SMURF2: variants seen among roughly 807,000 people sequenced by gnomAD.
The protein encoded by SMURF2 is E3 ubiquitin-protein ligase SMURF2.
A neutral mutation model predicts 109.6 loss-of-function variants in SMURF2; 48 were observed. That is an observed-to-expected ratio of 0.44 (90% CI 0.35 to 0.56). SMURF2 has a LOEUF of 0.56. Ranked by LOEUF, SMURF2 falls within the 20% of genes least tolerant of loss-of-function variation. SMURF2 has a pLI of 0.01. For missense variants in SMURF2, 575 were observed against 909.0 expected, an observed-to-expected ratio of 0.63 and a Z score of 4.72; for synonymous variants, 288 against 317.1, an observed-to-expected ratio of 0.91 and a Z score of 0.97.
At chr17:64,576,767 CAA>C (rs1969497336) in intron 9 of SMURF2, among the ~76,000 whole-genome samples, 1 of 150,006 alleles carries the variant, frequency 6.7e-6, no homozygotes, top group Admixed American at 6.7e-5. Context: ...TTAAATTTTT[CAA>C]AGATTTTTTT....
chr17:64,553,578 A>T (rs1360446476), intron 15 of SMURF2, among the ~76,000 whole-genome samples: 2 of 152,178 alleles, frequency 1.3e-5, no homozygotes, highest in African/African-American at 4.8e-5. Context: ...TTCTTCTAAG[A>T]CTTACTTTTA....
chr17:64,599,068 T>G (rs1969856835), intron 2 of SMURF2, among the ~76,000 whole-genome samples: 1 of 152,210 alleles, frequency 6.6e-6, no homozygotes, highest in Non-Finnish European at 1.5e-5. Flanking sequence ...CAAAAATACC[T>G]GAGAATAAAC....
intron 1 of SMURF2, among the ~76,000 whole-genome samples, chr17:64,626,711 C>T (rs1052245062): frequency 6.6e-6 from 1 of 151,848 alleles, no homozygotes; most frequent in African/African-American, 2.4e-5. Flanking sequence ...TGCAGTGAGC[C>T]GAGATTGTGC....
In SMURF2 at chr17:64,546,169, A is replaced by G. The variant is rs560613409; in HGVS notation, c.2147+94T>C. On this transcript the variant is annotated intron_variant, in intron 18 of 18. Transcript: ENST00000262435. The stretch of plus-strand genomic sequence containing the variant: ...TATCATTCCCTTTAAAGGCCCATTT[A>G]ACACTAGTAAGTACAATAAATAAAA... The G allele has an allele frequency of 5.8e-6, 7 of 1,217,160 alleles. No homozygotes were observed. In the Admixed American group the frequency reaches 1.0e-4, roughly 17 times the overall value. 75.4% of individuals were successfully genotyped at this position (1,217,160 alleles called of 1,614,324 possible).
At chr17:64,580,251 T>C (rs1365088097) in intron 8 of SMURF2, among the ~76,000 whole-genome samples, 4 of 152,238 alleles carry the variant, frequency 2.6e-5, no homozygotes, top group Non-Finnish European at 5.9e-5. Context: ...CATGAAACTT[T>C]ATAATCTAGG....
At chr17:64,591,008 C>G in intron 5 of SMURF2, 76 bp downstream of exon 5, 1 of 1,073,700 alleles carries the variant, frequency 9.3e-7, no homozygotes, top group East Asian at 2.5e-5. Flanking sequence ...AGTTATTATA[C>G]TTTGATTTAA....
chr17:64,598,266 G>T (rs1174080299), intron 3 of SMURF2, 116 bp downstream of exon 3: 4 of 877,542 alleles, frequency 4.6e-6, no homozygotes, highest in East Asian at 2.9e-5. Flanking sequence ...TACCCCTTTT[G>T]TGATGACCAA....
At chr17:64,643,603 T>C (rs1010972618) in intron 1 of SMURF2, among the ~76,000 whole-genome samples, 2 of 152,224 alleles carry the variant, frequency 1.3e-5, no homozygotes, top group African/African-American at 2.4e-5. Flanking sequence ...GGGCCAAATA[T>C]GGTGCAACTT....
intron 2 of SMURF2, among the ~76,000 whole-genome samples, chr17:64,605,731 TG>T (rs1969959191): frequency 8.4e-6 from 1 of 118,656 alleles, no homozygotes; most frequent in Non-Finnish European, 1.7e-5. Context: ...GGCAAGATCC[TG>T]TCTCTAAAAA....
intron 1 of SMURF2, among the ~76,000 whole-genome samples, chr17:64,652,898 T>A (rs1970658415): frequency 1.3e-5 from 2 of 152,174 alleles, no homozygotes; most frequent in African/African-American, 4.8e-5. Context: ...CACTTACTTC[T>A]CACAGCATAT....
chr17:64,592,177 C>A (rs1432782799), intron 4 of SMURF2, among the ~76,000 whole-genome samples: 2 of 152,226 alleles, frequency 1.3e-5, no homozygotes, highest in African/African-American at 4.8e-5. Context: ...TCTCAGAGGA[C>A]AGGATTCATG....
At chr17:64,593,722 G>C in intron 3 of SMURF2, 149 bp from the exon 4 acceptor site, 1 of 600,818 alleles carries the variant, frequency 1.7e-6, no homozygotes, top group East Asian at 3.0e-5. Flanking sequence ...TAATCCACAG[G>C]ATTGAATTTA....
chr17:64,640,269 A>G (rs1290631598), intron 1 of SMURF2, among the ~76,000 whole-genome samples: 1 of 152,234 alleles, frequency 6.6e-6, no homozygotes, highest in Non-Finnish European at 1.5e-5. Context: ...AGACTACTTT[A>G]GACAGACTAC....
chr17:64,643,243 G>A (rs535818635), intron 1 of SMURF2, among the ~76,000 whole-genome samples: 2 of 151,906 alleles, frequency 1.3e-5, no homozygotes, highest in African/African-American at 4.8e-5. Flanking sequence ...GGCTGGTCTC[G>A]AACTCCTGAG....
chr17:64,626,932 TAAA>T (rs147392473), intron 1 of SMURF2, among the ~76,000 whole-genome samples: 1 of 139,988 alleles, frequency 7.1e-6, no homozygotes, highest in Non-Finnish European at 1.6e-5. Flanking sequence ...CGTATTCCCC[TAAA>T]AAAAAAAAAC....
intron 2 of SMURF2, among the ~76,000 whole-genome samples, chr17:64,599,624 T>C (rs1969865777): frequency 6.6e-6 from 1 of 152,190 alleles, no homozygotes. Context: ...CATTAGATGC[T>C]CATAGGAGCT....
rs375830274 is a variant in SMURF2 at position 64,632,705 on chromosome 17, C to G, written c.53-26065G>C. On this transcript the variant is annotated intron_variant, in intron 1 of 18. Coordinates refer to ENST00000262435, the MANE Select transcript of SMURF2 (RefSeq NM_022739.4). ...GGCCTCCAGACTTCTGTCAAGAGAC[C>G]TAAACAATTTAGGAAGACAGTGTAA... 1.7e-4 allele frequency among the ~76,000 whole-genome samples: 26 copies of G among 152,248 alleles called. No individual in the cohort carries two copies. The East Asian group carries it at 3.7e-3, about 21-fold the overall frequency.
At chr17:64,573,862 C>G (rs1555685822) in intron 9 of SMURF2, among the ~76,000 whole-genome samples, 1 of 152,122 alleles carries the variant, frequency 6.6e-6, no homozygotes, top group African/African-American at 2.4e-5. Flanking sequence ...TTATCCTTAG[C>G]AAACTAAAGC....
At position 64,555,295 on chromosome 17, in the gene SMURF2, C is replaced by G. The variant is rs556816427; in HGVS notation, c.1611-302G>C. 2.6e-5 allele frequency among the ~76,000 whole-genome samples: 4 copies of G among 152,328 alleles called. No homozygotes were observed. In the East Asian group the frequency reaches 5.8e-4, roughly 22 times the overall value. On this transcript the variant is annotated intron_variant, in intron 14 of 18. Coordinates refer to ENST00000262435, the MANE Select transcript of SMURF2 (RefSeq NM_022739.4). ...ATTTGGCATTCTGAAGAGCCCTACT[C>G]GGTACTGTACTCCAAGGGGCCAAGT...
Sources: gnomAD v4.1 joint callset for allele counts (sites outside exome capture counted in the v4.1 genomes callset) on GRCh38, gnomAD v4.1.1 for gene constraint, MANE v1.5 for transcripts, NCBI Gene and HGNC (gene_info 2026-07-23, HGNC 2026-07-21) for gene names.